The following LRFN4 variants were observed in gnomAD, a reference collection of about 807,000 sequenced individuals.
LRFN4 encodes leucine rich repeat and fibronectin type III domain containing 4.
A neutral mutation model predicts 29.0 loss-of-function variants in LRFN4; 10 were observed. The ratio of observed to expected loss-of-function variants is 0.35; its 90% confidence interval spans 0.21 to 0.59. The LOEUF (loss-of-function observed/expected upper bound fraction) is 0.59. Among genes scored for constraint, LRFN4 ranks in the 20% least tolerant of loss-of-function variants. The pLI is 0.82. For missense variants in LRFN4, 850 were observed against 907.9 expected (o/e 0.94, Z 0.82); for synonymous variants, 493 against 437.0 (o/e 1.13, Z -1.60).
At position 66,857,128 on chromosome 11, in the gene LRFN4, G is replaced by C. The variant is rs532639285; in HGVS notation, c.-617G>C. ...TAACCGCGCCGGGAAAAGGTGCCGG[G>C]AACCGAGCGAGCCGGGGCCGCGGGC... is the stretch of plus-strand genomic sequence containing the variant. On this transcript the variant is annotated 5_prime_UTR_variant, in exon 1 of 2. Transcript: ENST00000309602. This position sits in a 1 kb window ranked among gnomAD's most constrained non-coding sequence, Gnocchi z 7.1. 4 of 148,214 alleles carry C rather than the reference G, an allele frequency of 2.7e-5. No individual in the cohort carries two copies. Among genetic ancestry groups the C allele is most frequent in the South Asian group, 4.1e-4 (2 of 4,826 alleles). The allele number at this position is 148,214 out of a possible 1,614,324, so 9.2% of individuals were successfully genotyped here. A position where few individuals can be genotyped will look rare whatever the true frequency, so the allele number is the denominator to read the frequency against.
At position 66,859,865 on chromosome 11, in the gene LRFN4, G is replaced by A; in HGVS notation, c.1578G>A (p.Leu526=). ...TGACCGTGGCCGTGGGGGGTGTGCT[G>A]GTGGCTGCCTTACTGGTCTTCACTG... The part of the protein sequence containing the change: ...GTLTVAVGGV[L]VAALLVFTVA... The change falls in exon 2 of 2, where the codon CTG becomes CTA. Residue 526 remains leucine (L), a synonymous_variant. Transcript: ENST00000309602. 6.4e-7 allele frequency: 1 copy of A among 1,563,188 alleles called. No homozygotes were observed. Among genetic ancestry groups the A allele is most frequent in the Non-Finnish European group, 8.7e-7 (1 of 1,154,214 alleles).
Position 66,859,017 on chromosome 11 carries a change from C to T in LRFN4, c.1273C>T (p.Pro425Ser). 1 of 1,512,898 alleles carries T rather than the reference C, an allele frequency of 6.6e-7. No homozygotes were observed. Among genetic ancestry groups the T allele is most frequent in the Non-Finnish European group, 8.8e-7 (1 of 1,130,938 alleles). The allele number at this position is 1,512,898 out of a possible 1,614,324, so 93.7% of individuals were successfully genotyped here. A position where few individuals can be genotyped will look rare whatever the true frequency, so the allele number is the denominator to read the frequency against. Residue 425 changes from proline (P) to serine (S), a missense_variant, in exon 1 of 2, where the codon CCC (proline) becomes TCC (serine). By Grantham distance (74) the Pro-to-Ser change is moderately conservative. This residue lies in a region of LRFN4 where 744 missense variants were observed against 753.8 expected (regional missense o/e 0.99). Transcript: ENST00000309602. The part of the protein sequence containing the change: ...TATSGLVSWG[P>S]GRPADPVWMF... ...CACCTCAGGGCTGGTGAGCTGGGGT[C>T]CCGGGCGGCCAGCCGACCCAGTGTG...
Position 66,857,989 on chromosome 11 carries a change from A to T in LRFN4, c.245A>T (p.Asn82Ile). Residue 82 changes from asparagine to isoleucine, a missense_variant, in exon 1 of 2, where the codon AAT (asparagine) becomes ATT (isoleucine). Physicochemically the swap from Asn to Ile is moderately radical, Grantham distance 149. Coordinates refer to ENST00000309602, the MANE Select transcript of LRFN4 (RefSeq NM_024036.5). This position sits in a 1 kb window ranked among gnomAD's most constrained non-coding sequence, Gnocchi z 7.1. ...TGLVDLTLSR[N>I]AITRIGARAF... ...CTGGTGGACCTGACACTGTCTCGCA[A>T]TGCCATCACCCGCATTGGGGCCCGC... The T allele has an allele frequency of 6.2e-7, 1 of 1,612,446 alleles. No homozygotes were observed. The highest frequency in any genetic ancestry group is 2.2e-5 in the East Asian group (1 of 44,866).
chr11:66,860,161 G>T lies in LRFN4; in HGVS notation c.1874G>T (p.Gly625Val). The T allele has an allele frequency of 6.5e-7, 1 of 1,548,032 alleles. No homozygotes were observed. The highest frequency in any genetic ancestry group is 8.7e-7 in the Non-Finnish European group (1 of 1,147,614). Reference protein sequence around the residue: ...LLGAGCRGVGGSAERLEESVV With the variant: ...LLGAGCRGVGVSAERLEESVV ...GGGGCAGGGTGCCGGGGGGTAGGAG[G>T]CAGCGCCGAGCGGCTGGAAGAGAGT... The change falls in exon 2 of 2, where the codon GGC (glycine) becomes GTC (valine). Residue 625 changes from glycine (G) to valine (V), a missense_variant. By Grantham distance (109) the Gly-to-Val change is moderately radical. This residue lies in a region of LRFN4 where 744 missense variants were observed against 753.8 expected (regional missense o/e 0.99). Transcript: ENST00000309602.
rs1272662436 is a variant in LRFN4, at chr11:66,859,033, A to G, written c.1289A>G (p.Asp430Gly). ...LVSWGPGRPADPVWMFQIQYN... is the reference protein window; with the variant it reads ...LVSWGPGRPAGPVWMFQIQYN... ...AGCTGGGGTCCCGGGCGGCCAGCCG[A>G]CCCAGTGTGGATGTTCCAAATCCAG... The change falls in exon 1 of 2, where the codon GAC (aspartate) becomes GGC (glycine). Residue 430 changes from aspartate (D) to glycine (G), a missense_variant. Asp to Gly is a moderately conservative substitution (Grantham distance 94). Transcript: ENST00000309602. 1 of 1,507,878 alleles carries G rather than the reference A, an allele frequency of 6.6e-7. No homozygotes were observed. The highest frequency in any genetic ancestry group is 2.3e-5 in the East Asian group (1 of 42,990). 93.4% of individuals were successfully genotyped at this position (1,507,878 alleles called of 1,614,324 possible).
At position 66,857,393 on chromosome 11, in the gene LRFN4, A is replaced by C; in HGVS notation, c.-352A>C. 3.5e-5 allele frequency: 8 copies of C among 231,872 alleles called. No individual in the cohort carries two copies. Among genetic ancestry groups the C allele is most frequent in the East Asian group, 8.8e-5 (1 of 11,354 alleles). 14.4% of individuals were successfully genotyped at this position (231,872 alleles called of 1,614,324 possible). ...GGCGCCTTCTCTGGCGGGGGAGGGT[A>C]TGGCGGGGAGTGGGGAGGCGGCTGG... is the stretch of plus-strand genomic sequence containing the variant. On this transcript the variant is annotated 5_prime_UTR_variant, in exon 1 of 2. It removes an upstream start codon present in the reference 5' UTR. Coordinates refer to ENST00000309602, the MANE Select transcript of LRFN4 (RefSeq NM_024036.5). The surrounding 1 kb of genome is among the most constrained non-coding windows in gnomAD (Gnocchi z 7.1).
intron 1 of LRFN4, 31 bp downstream of exon 1, chr11:66,859,124 C>G: frequency 6.8e-7 from 1 of 1,475,484 alleles, no homozygotes; most frequent in Non-Finnish European, 9.0e-7. Flanking sequence ...CCCGGCTGCA[C>G]TCCCGGCGCC....
chr11:66,858,665 C>G lies in LRFN4; in HGVS notation c.921C>G (p.Asp307Glu). 1 of 1,543,752 alleles carries G rather than the reference C, an allele frequency of 6.5e-7. No individual in the cohort carries two copies. Among genetic ancestry groups the G allele is most frequent in the Non-Finnish European group, 8.7e-7 (1 of 1,144,074 alleles). ...CGCTGCGGTGCCGGGCCCTGGGTGA[C>G]CCCGCGCCTACCATGCACTGGGTCG... Reference protein sequence around the residue: ...RATLRCRALGDPAPTMHWVGP... With the variant: ...RATLRCRALGEPAPTMHWVGP... The change falls in exon 1 of 2, where the codon GAC (aspartate) becomes GAG (glutamate). Residue 307 changes from aspartate (D) to glutamate (E), a missense_variant. Around this residue, in one of 2 missense-constraint regions of LRFN4, gnomAD observed 744 missense variants for 753.8 expected, o/e 0.99. Transcript: ENST00000309602. This position sits in a 1 kb window ranked among gnomAD's most constrained non-coding sequence, Gnocchi z 5.9.
Position 66,857,844 on chromosome 11 carries a change from T to C in LRFN4, c.100T>C (p.Cys34Arg). Residue 34 changes from cysteine to arginine, a missense_variant, in exon 1 of 2, where the codon TGT becomes CGT. By Grantham distance (180) the Cys-to-Arg change is radical. This residue lies in a region of LRFN4 where 106 missense variants were observed against 154.2 expected (regional missense o/e 0.69). Transcript: ENST00000309602. This position sits in a 1 kb window ranked among gnomAD's most constrained non-coding sequence, Gnocchi z 7.1. ...CCTGTCCGAGTCGCTCAGCACCCTC[T>C]GTGCCCACCGAGGCCTGCTGTTTGT... The part of the protein sequence containing the change: ...QNLSESLSTL[C>R]AHRGLLFVPP... 1 of 1,607,322 alleles carries C rather than the reference T, an allele frequency of 6.2e-7. No homozygotes were observed. Among genetic ancestry groups the C allele is most frequent in the South Asian group, 1.1e-5 (1 of 91,070 alleles).
In LRFN4 at chr11:66,857,601, G is replaced by A; in HGVS notation, c.-144G>A. 1 of 844,080 alleles carries A rather than the reference G, an allele frequency of 1.2e-6. No homozygotes were observed. The highest frequency in any genetic ancestry group is 1.8e-5 in the South Asian group (1 of 54,536). 52.3% of individuals were successfully genotyped at this position (844,080 alleles called of 1,614,324 possible). A position where few individuals can be genotyped will look rare whatever the true frequency, so the allele number is the denominator to read the frequency against. On this transcript the variant is annotated 5_prime_UTR_variant, in exon 1 of 2. Transcript: ENST00000309602. The surrounding 1 kb of genome is among the most constrained non-coding windows in gnomAD (Gnocchi z 7.1). ...AGGCCCCAACCTTCCCTCATCTCTG[G>A]CGGCCCTCTTGGGCCTCTGACCCAG... is the stretch of plus-strand genomic sequence containing the variant.
At position 66,859,791 on chromosome 11, in the gene LRFN4, G is replaced by C. The variant is rs778488245; in HGVS notation, c.1504G>C (p.Ala502Pro). 11 of 1,598,384 alleles carry C rather than the reference G, an allele frequency of 6.9e-6. No homozygotes were observed. The South Asian group carries it at 1.1e-4, about 16-fold the overall frequency. Residue 502 changes from alanine (A) to proline (P), a missense_variant, in exon 2 of 2, where the codon GCC (alanine) becomes CCC (proline). Around this residue, in one of 2 missense-constraint regions of LRFN4, gnomAD observed 744 missense variants for 753.8 expected, o/e 0.99. Coordinates refer to ENST00000309602, the MANE Select transcript of LRFN4 (RefSeq NM_024036.5). ...LGCAHFSTLP[A>P]SPLCHALQAH... ...CTGTGCCCATTTCTCCACGCTGCCG[G>C]CCTCGCCCCTGTGCCACGCCCTGCA...
Position 66,857,967 on chromosome 11 carries a change from G to A in LRFN4, c.223G>A (p.Val75Met). The A allele has an allele frequency of 6.2e-7, 1 of 1,612,518 alleles. No individual in the cohort carries two copies. The highest frequency in any genetic ancestry group is 8.5e-7 in the Non-Finnish European group (1 of 1,179,934). Reference protein sequence around the residue: ...PPDFRNMTGLVDLTLSRNAIT... With the variant: ...PPDFRNMTGLMDLTLSRNAIT... ...TGACTTCCGCAACATGACGGGACTG[G>A]TGGACCTGACACTGTCTCGCAATGC... Residue 75 changes from valine (V) to methionine (M), a missense_variant, in exon 1 of 2, where the codon GTG becomes ATG. Transcript: ENST00000309602. This position sits in a 1 kb window ranked among gnomAD's most constrained non-coding sequence, Gnocchi z 7.1.
chr11:66,859,836 A>C lies in LRFN4; in HGVS notation c.1549A>C (p.Thr517Pro). Residue 517 changes from threonine to proline, a missense_variant, in exon 2 of 2, where the codon ACC becomes CCC. This residue lies in a region of LRFN4 where 744 missense variants were observed against 753.8 expected (regional missense o/e 0.99). Transcript: ENST00000309602. ...CCTGCAGGCCCACGTGCTGGGCGGGACCCTGACCGTGGCCGTGGGGGGTGT... is the reference window on the plus strand; with the variant it reads ...CCTGCAGGCCCACGTGCTGGGCGGGCCCCTGACCGTGGCCGTGGGGGGTGT... ...HALQAHVLGG[T>P]LTVAVGGVLV... The C allele has an allele frequency of 6.4e-7, 1 of 1,571,544 alleles. No individual in the cohort carries two copies. The highest frequency in any genetic ancestry group is 8.6e-7 in the Non-Finnish European group (1 of 1,157,884).
In LRFN4 at chr11:66,858,524, GCCCGGCC is replaced by G; in HGVS notation, c.781_787del (p.Pro261TrpfsTer74). 1.3e-6 allele frequency: 2 copies of G among 1,533,860 alleles called. No homozygotes were observed. Among genetic ancestry groups the G allele is most frequent in the Non-Finnish European group, 1.7e-6 (2 of 1,145,416 alleles). ...ACGACCTGGAAACGTGCGCCTCCCC[GCCCGGCC>G]TGGCCGGCCGCTACTTCTGGGCAGT... On this transcript the variant is annotated frameshift_variant, in exon 1 of 2. Coordinates refer to ENST00000309602, the MANE Select transcript of LRFN4 (RefSeq NM_024036.5). LOFTEE classifies it high-confidence loss of function. This position sits in a 1 kb window ranked among gnomAD's most constrained non-coding sequence, Gnocchi z 5.9.
intron 1 of LRFN4, among the ~76,000 whole-genome samples, 184 bp from the exon 2 acceptor site, chr11:66,859,453 C>T (rs905125921): frequency 2.0e-5 from 3 of 152,222 alleles, no homozygotes; most frequent in South Asian, 4.1e-4. Context: ...TTGCCTGCGT[C>T]CTGTGCCAGT....
In LRFN4 at chr11:66,858,955, A is replaced by T; in HGVS notation, c.1211A>T (p.Glu404Val). ...RTAAEGEGTL[E>V]SEPAVQVTEV... ...GCTGCCGAGGGTGAGGGGACGCTGG[A>T]GTCTGAGCCAGCCGTGCAGGTGACG... Residue 404 changes from glutamate to valine, a missense_variant, in exon 1 of 2, where the codon GAG becomes GTG. Physicochemically the swap from Glu to Val is moderately radical, Grantham distance 121 (BLOSUM62 -2). Coordinates refer to ENST00000309602, the MANE Select transcript of LRFN4 (RefSeq NM_024036.5). The surrounding 1 kb of genome is among the most constrained non-coding windows in gnomAD (Gnocchi z 5.9). The T allele has an allele frequency of 6.3e-7, 1 of 1,576,740 alleles. No homozygotes were observed. The highest frequency in any genetic ancestry group is 8.6e-7 in the Non-Finnish European group (1 of 1,158,006).
Position 66,858,948 on chromosome 11 carries a change from A to T in LRFN4, c.1204A>T (p.Thr402Ser). 1 of 1,577,558 alleles carries T rather than the reference A, an allele frequency of 6.3e-7. No individual in the cohort carries two copies. Among genetic ancestry groups the T allele is most frequent in the East Asian group, 2.3e-5 (1 of 44,050 alleles). Residue 402 changes from threonine to serine, a missense_variant, in exon 1 of 2, where the codon ACG becomes TCG. Physicochemically the swap from Thr to Ser is moderately conservative, Grantham distance 58. This residue lies in a region of LRFN4 where 744 missense variants were observed against 753.8 expected (regional missense o/e 0.99). Transcript: ENST00000309602. The surrounding 1 kb of genome is among the most constrained non-coding windows in gnomAD (Gnocchi z 5.9). ...TCGCACTGCTGCCGAGGGTGAGGGGACGCTGGAGTCTGAGCCAGCCGTGCA... is the reference window on the plus strand; with the variant it reads ...TCGCACTGCTGCCGAGGGTGAGGGGTCGCTGGAGTCTGAGCCAGCCGTGCA... ...SARTAAEGEG[T>S]LESEPAVQVT...
intron 1 of LRFN4, among the ~76,000 whole-genome samples, 188 bp downstream of exon 1, chr11:66,859,281 G>A (rs1389089601): frequency 1.3e-5 from 2 of 152,174 alleles, no homozygotes; most frequent in Non-Finnish European, 2.9e-5. Flanking sequence ...TGGAGCTCAA[G>A]GGGCGGCAGA....
At position 66,860,017 on chromosome 11, in the gene LRFN4, C is replaced by T. The variant is rs201187828; in HGVS notation, c.1730C>T (p.Pro577Leu). Residue 577 changes from proline (P) to leucine (L), a missense_variant, in exon 2 of 2, where the codon CCG becomes CTG. Transcript: ENST00000309602. ...TPKAHPPRSP[P>L]PRPQRSCSLD... ...AAGGCCCACCCGCCGCGGAGCCCCC[C>T]GCCCCGGCCGCAGCGCAGCTGCTCT... 1.6e-4 allele frequency: 257 copies of T among 1,587,856 alleles called. No homozygotes were observed. The African/African-American group carries it at 2.0e-3, about 12-fold the overall frequency.
Sources: allele counts gnomAD v4.1 joint callset (sites outside exome capture counted in the v4.1 genomes callset), GRCh38; gene constraint gnomAD v4.1.1; regional missense constraint gnomAD v4.1.1; non-coding constraint Gnocchi (gnomAD v3.1); transcripts MANE v1.5; gene names NCBI Gene and HGNC (gene_info 2026-07-23, HGNC 2026-07-21).